The following USH2A variants were observed in gnomAD, a reference collection of about 807,000 sequenced individuals.
USH2A encodes usherin.
In USH2A, 443 loss-of-function variants were observed where a neutral mutation model predicts 538.9. The observed-to-expected ratio is 0.82, with a 90% CI of 0.76 to 0.89. USH2A has a LOEUF of 0.89. USH2A is among the 40% of genes least tolerant of loss of function. The pLI is 0.00. For missense variants in USH2A, 6,633 were observed against 6,324.8 expected, an observed-to-expected ratio of 1.05 and a Z score of -1.65; for synonymous variants, 2,413 against 2,273.5, an observed-to-expected ratio of 1.06 and a Z score of -1.75.
chr1:216,240,702 C>T (rs980600077), intron 13 of USH2A, among the ~76,000 whole-genome samples: 6 of 152,022 alleles, frequency 3.9e-5, no homozygotes, highest in African/African-American at 1.4e-4. Flanking sequence ...AAATTTTCTC[C>T]TCAAATTACT....
chr1:215,806,038 T>C (rs949155080), intron 49 of USH2A, among the ~76,000 whole-genome samples: 17 of 141,278 alleles, frequency 1.2e-4, no homozygotes, highest in African/African-American at 3.7e-4. Flanking sequence ...TCTGTGAAAG[T>C]AGCTGCTCTC....
intron 24 of USH2A, among the ~76,000 whole-genome samples, chr1:216,085,476 A>G (rs914644707): frequency 6.6e-6 from 1 of 152,058 alleles, no homozygotes; most frequent in African/African-American, 2.4e-5. Context: ...AATCAAGAGG[A>G]GGAGAAGGTG....
intron 59 of USH2A, among the ~76,000 whole-genome samples, chr1:215,741,775 G>T (rs1308406232): frequency 2.0e-5 from 3 of 152,078 alleles, no homozygotes; most frequent in African/African-American, 7.2e-5. Context: ...AAGGCATATT[G>T]TCTGGAAATA....
chr1:215,697,166 C>T (rs966994310), intron 61 of USH2A, among the ~76,000 whole-genome samples: 1 of 151,814 alleles, frequency 6.6e-6, no homozygotes, highest in Non-Finnish European at 1.5e-5. Flanking sequence ...ACCATGTTGC[C>T]CAGGCTGGTC....
chr1:215,838,074 C>T lies in USH2A; in HGVS notation c.9288G>A (p.Val3096=). 1.2e-6 allele frequency: 2 copies of T among 1,613,964 alleles called. No individual in the cohort carries two copies. The highest frequency in any genetic ancestry group is 2.2e-5 in the South Asian group (2 of 91,082). The stretch of plus-strand genomic sequence containing the variant: ...TGGTAATTTGGGTTCCATTGCTTTT[C>T]ACGCAGGCATATATTGTGCAGACTT... ...QVEVCTIYAC[V]KSNGTQITTV... The change falls in exon 47 of 72, where the codon GTG becomes GTA. Residue 3096 remains valine (V), a synonymous_variant. Transcript: ENST00000307340.
intron 32 of USH2A, among the ~76,000 whole-genome samples, chr1:216,036,832 C>T (rs1402536314): frequency 6.6e-6 from 1 of 152,016 alleles, no homozygotes; most frequent in Non-Finnish European, 1.5e-5. Context: ...AATGTAGGTA[C>T]AGGAACACAA....
At chr1:216,221,846 A>G (rs1465326060) in intron 14 of USH2A, among the ~76,000 whole-genome samples, 1 of 152,234 alleles carries the variant, frequency 6.6e-6, no homozygotes, top group Non-Finnish European at 1.5e-5. Context: ...GAGAGATTTC[A>G]CTTATTCTCT....
At chr1:216,200,174 G>C in intron 16 of USH2A, 53 bp from the exon 17 acceptor site, 1 of 1,557,178 alleles carries the variant, frequency 6.4e-7, no homozygotes, top group Non-Finnish European at 8.7e-7. Flanking sequence ...AGTTGGTGAA[G>C]AATCATTGCT....
At position 216,000,391 on chromosome 1, in the gene USH2A, A is replaced by G. The variant is rs772921278; in HGVS notation, c.6485+12T>C. On this transcript the variant is annotated intron_variant, in intron 33 of 71. Transcript: ENST00000307340. Reference sequence around the variant, plus strand: ...TGAACCAGCATGTGAGAGAGACAACATTTCTACTTACTGTATGTGTATAGT... The same window carrying G: ...TGAACCAGCATGTGAGAGAGACAACGTTTCTACTTACTGTATGTGTATAGT... 1 of 1,613,324 alleles carries G rather than the reference A, an allele frequency of 6.2e-7. No homozygotes were observed.
chr1:216,365,708 TG>T (rs2038583825), intron 3 of USH2A, among the ~76,000 whole-genome samples: 1 of 152,086 alleles, frequency 6.6e-6, no homozygotes, highest in Non-Finnish European at 1.5e-5. Context: ...AGCTAGAGAA[TG>T]TTTTTTTCTC....
chr1:215,739,196 T>A (rs1417444836), intron 60 of USH2A, among the ~76,000 whole-genome samples: 1 of 152,216 alleles, frequency 6.6e-6, no homozygotes, highest in Non-Finnish European at 1.5e-5. Context: ...ATTATGATTG[T>A]GAAGTGATTG....
At position 215,836,625 on chromosome 1, in the gene USH2A, C is replaced by T. The variant is rs1306333234; in HGVS notation, c.9371+1366G>A. On this transcript the variant is annotated intron_variant, in intron 47 of 71. Transcript: ENST00000307340. ...AGGCTGGAGTGCAGTGGCGTGATCT[C>T]GGCTCACTCCAAGTTCCGCCTCCCA... Among the ~76,000 whole-genome samples the T allele has an allele frequency of 2.1e-3, 241 of 116,940 alleles. 3 individuals carry two copies. Among genetic ancestry groups the T allele is most frequent in the African/African-American group, 7.2e-3 (238 of 32,960 alleles). 76.7% of individuals were successfully genotyped at this position (116,940 alleles called of 152,430 possible). A position where few individuals can be genotyped will look rare whatever the true frequency, so the allele number is the denominator to read the frequency against.
intron 4 of USH2A, among the ~76,000 whole-genome samples, chr1:216,343,779 G>A (rs2038123466): frequency 6.6e-6 from 1 of 151,988 alleles, no homozygotes; most frequent in African/African-American, 2.4e-5. Context: ...GTAACAAAAT[G>A]AAAATCAAAT....
chr1:216,294,431 T>C (rs903166765), intron 9 of USH2A, among the ~76,000 whole-genome samples: 1 of 151,976 alleles, frequency 6.6e-6, no homozygotes, highest in South Asian at 2.1e-4. Context: ...TATTACTACA[T>C]AGTTTTGTAT....
chr1:215,659,903 A>T (rs1657389361), intron 64 of USH2A, among the ~76,000 whole-genome samples: 1 of 152,204 alleles, frequency 6.6e-6, no homozygotes, highest in Non-Finnish European at 1.5e-5. Context: ...TGACTAGGTA[A>T]CTTGCTAAAT....
intron 20 of USH2A, among the ~76,000 whole-genome samples, chr1:216,185,582 A>C (rs2034582874): frequency 6.6e-6 from 1 of 151,924 alleles, no homozygotes; most frequent in African/African-American, 2.4e-5. Context: ...ATTAGACATA[A>C]GAGTTAAATT....
chr1:216,353,625 C>G (rs1320371529), intron 4 of USH2A, among the ~76,000 whole-genome samples: 1 of 151,996 alleles, frequency 6.6e-6, no homozygotes, highest in African/African-American at 2.4e-5. Context: ...TGTTCAGAGT[C>G]AGTGACCAGC....
chr1:216,080,604 G>A (rs1330610931), intron 26 of USH2A, among the ~76,000 whole-genome samples: 1 of 151,860 alleles, frequency 6.6e-6, no homozygotes, highest in Non-Finnish European at 1.5e-5. Flanking sequence ...AAAGTACAGT[G>A]GAGGAGGCTT....
At chr1:216,295,063 G>T (rs2037076550) in intron 9 of USH2A, among the ~76,000 whole-genome samples, 1 of 151,626 alleles carries the variant, frequency 6.6e-6, no homozygotes, top group Non-Finnish European at 1.5e-5. Flanking sequence ...TAGTGTGATA[G>T]GCATAATTAT....
Sources: allele counts gnomAD v4.1 joint callset (sites outside exome capture counted in the v4.1 genomes callset), GRCh38; gene constraint gnomAD v4.1.1; transcripts MANE v1.5; gene names NCBI Gene and HGNC (gene_info 2026-07-23, HGNC 2026-07-21).